Variants in GALNT13 observed in about 807,000 individuals in gnomAD.
The protein encoded by GALNT13 is polypeptide N-acetylgalactosaminyltransferase 13.
GALNT13 carries 28 observed loss-of-function variants against 64.2 expected under a neutral mutation model. That is an observed-to-expected ratio of 0.44 (90% CI 0.32 to 0.60). The LOEUF is 0.60. Among genes scored for constraint, GALNT13 ranks in the 20% least tolerant of loss-of-function variants. The probability of loss-of-function intolerance (pLI) is 0.05; values close to 1 mark genes in which losing one functional copy is unlikely to be tolerated. For missense variants in GALNT13, 577 were observed against 669.8 expected (o/e 0.86, Z 1.53); for synonymous variants, 214 against 224.6 (o/e 0.95, Z 0.42).
chr2:154,437,466 C>T (rs1701036902), intron 11 of GALNT13: 1 of 1,083,910 alleles, frequency 9.2e-7, no homozygotes, highest in Non-Finnish European at 1.2e-6. Flanking sequence ...ATTATGTATT[C>T]TGTTGACATT....
the GALNT13 span, among the ~76,000 whole-genome samples, chr2:153,817,591 C>T: frequency 5.9e-5 from 9 of 152,118 alleles, no homozygotes; most frequent in African/African-American, 2.2e-4. Flanking sequence ...CTATAAATTC[C>T]CACTTGCTGA....
chr2:154,060,429 C>T (rs935148112), intron 3 of GALNT13, among the ~76,000 whole-genome samples: 2 of 152,122 alleles, frequency 1.3e-5, no homozygotes, highest in Non-Finnish European at 2.9e-5. Flanking sequence ...GATCTCATCT[C>T]GTTGCAACCT....
At chr2:154,412,082 A>C (rs1699820460) in intron 11 of GALNT13, among the ~76,000 whole-genome samples, 2 of 151,768 alleles carry the variant, frequency 1.3e-5, no homozygotes. Flanking sequence ...GAAGTTAAAA[A>C]ATGTTCGTTC....
intron 7 of GALNT13, among the ~76,000 whole-genome samples, chr2:154,252,357 A>ATT (rs1205309831): frequency 1.5e-5 from 2 of 136,362 alleles, no homozygotes; most frequent in Non-Finnish European, 3.3e-5. Context: ...TTTTATTATT[A>ATT]TTATTTTTTT....
chr2:153,759,940 T>C, the GALNT13 span, among the ~76,000 whole-genome samples: 1 of 152,128 alleles, frequency 6.6e-6, no homozygotes, highest in East Asian at 1.9e-4. Context: ...ATTTACTTCA[T>C]GGGAGACTTT....
intron 3 of GALNT13, among the ~76,000 whole-genome samples, chr2:153,999,798 T>C (rs1695778182): frequency 6.6e-6 from 1 of 152,072 alleles, no homozygotes; most frequent in South Asian, 2.1e-4. Flanking sequence ...TGTTCTTGTC[T>C]GGTTTTGGTA....
At chr2:153,376,171 A>G in the GALNT13 span, among the ~76,000 whole-genome samples, 3 of 152,182 alleles carry the variant, frequency 2.0e-5, no homozygotes, top group Non-Finnish European at 4.4e-5. Flanking sequence ...TATTCAAACT[A>G]TAACAAATTT....
At chr2:153,676,075 A>G in the GALNT13 span, among the ~76,000 whole-genome samples, 1 of 152,082 alleles carries the variant, frequency 6.6e-6, no homozygotes, top group Non-Finnish European at 1.5e-5. Flanking sequence ...GAAATCAAAA[A>G]TTAGTTTTTT....
chr2:153,616,148 T>C, the GALNT13 span, among the ~76,000 whole-genome samples: 150 of 152,078 alleles, frequency 9.9e-4, no homozygotes, highest in African/African-American at 3.5e-3. Flanking sequence ...ATTTTTTTTT[T>C]CTGCATGTGG....
intron 4 of GALNT13, among the ~76,000 whole-genome samples, chr2:154,230,489 C>G (rs1188379897): frequency 6.6e-6 from 1 of 151,870 alleles, no homozygotes; most frequent in African/African-American, 2.4e-5. Flanking sequence ...CATTTATTTC[C>G]AAAATTCAAG....
At chr2:153,336,676 T>G in the GALNT13 span, among the ~76,000 whole-genome samples, 123 of 152,302 alleles carry the variant, frequency 8.1e-4, no homozygotes, top group African/African-American at 2.8e-3. Flanking sequence ...GACTTTGGAC[T>G]GTGGACTTTT....
chr2:153,161,377 C>A, the GALNT13 span, among the ~76,000 whole-genome samples: 2 of 152,260 alleles, frequency 1.3e-5, no homozygotes, highest in Admixed American at 6.5e-5. Flanking sequence ...CAGACAAAAA[C>A]ACCTGCCTTT....
the GALNT13 span, among the ~76,000 whole-genome samples, chr2:153,405,813 G>T: frequency 6.6e-6 from 1 of 152,096 alleles, no homozygotes; most frequent in African/African-American, 2.4e-5. Flanking sequence ...GGACAAGGTG[G>T]CATATATGAA....
chr2:153,635,456 A>G, the GALNT13 span, among the ~76,000 whole-genome samples: 3,265 of 143,344 alleles, frequency 0.023, 131 homozygotes, highest in African/African-American at 0.037. Context: ...ATATATATGT[A>G]TATGTGTATA....
chr2:153,563,624 A>T, the GALNT13 span, among the ~76,000 whole-genome samples: 1 of 152,012 alleles, frequency 6.6e-6, no homozygotes, highest in Non-Finnish European at 1.5e-5. Flanking sequence ...TTGTTTAGCC[A>T]GGTCCAAAGT....
chr2:153,669,716 C>T, the GALNT13 span, among the ~76,000 whole-genome samples: 5 of 152,102 alleles, frequency 3.3e-5, no homozygotes, highest in Non-Finnish European at 5.9e-5. Flanking sequence ...CAGGGTGGGG[C>T]ATTGCCTCAC....
intron 9 of GALNT13, among the ~76,000 whole-genome samples, chr2:154,338,437 C>G (rs376130891): frequency 7.9e-5 from 12 of 151,880 alleles, no homozygotes; most frequent in East Asian, 5.8e-4. Context: ...TGTTTTAAGG[C>G]TACCTAAGAT....
intron 11 of GALNT13, among the ~76,000 whole-genome samples, chr2:154,415,148 AC>A (rs1427220888): frequency 1.3e-5 from 2 of 151,568 alleles, no homozygotes; most frequent in African/African-American, 4.8e-5. Context: ...AAAAAAAAAA[AC>A]TCTAATACAT....
intron 1 of GALNT13, among the ~76,000 whole-genome samples, chr2:153,897,749 G>T (rs1208312843): frequency 6.6e-6 from 1 of 151,974 alleles, no homozygotes; most frequent in African/African-American, 2.4e-5. Flanking sequence ...CTCGAAGAAG[G>T]AGTTTTCCCT....
Sources: allele counts gnomAD v4.1 joint callset (sites outside exome capture counted in the v4.1 genomes callset), GRCh38; gene constraint gnomAD v4.1.1; transcripts MANE v1.5; gene names NCBI Gene and HGNC (gene_info 2026-07-23, HGNC 2026-07-21).